The following CYB5D2 variants were observed in gnomAD, a reference collection of about 807,000 sequenced individuals.
CYB5D2 encodes the protein cytochrome b5 domain containing 2.
In CYB5D2, 23 loss-of-function variants were observed where a neutral mutation model predicts 22.8. The ratio of observed to expected loss-of-function variants is 1.01; its 90% CI spans 0.73 to 1.43. The LOEUF (loss-of-function observed/expected upper bound fraction) is 1.43. CYB5D2 is among the 40% of genes most tolerant of loss of function. The pLI is 0.00. For synonymous variants in CYB5D2, 170 were observed against 152.2 expected (o/e 1.12, Z -0.86); for missense variants, 373 against 357.2 (o/e 1.04, Z -0.36).
Position 4,147,194 on chromosome 17 carries a change from C to T in CYB5D2, c.251-2697C>T, listed in dbSNP as rs147817141. ...TTGGAGACAGAAGAATCCCTTGAAC[C>T]GAGGAGGCAGAGGTTGCAGTGAGCC... On this transcript the variant is annotated intron_variant, in intron 1 of 3. Coordinates refer to ENST00000301391, the MANE Select transcript of CYB5D2 (RefSeq NM_144611.4). 8.3e-4 allele frequency among the ~76,000 whole-genome samples: 127 copies of T among 152,192 alleles called. 1 individual carries two copies. The highest frequency in any genetic ancestry group is 2.9e-3 in the African/African-American group (119 of 41,530).
chr17:4,144,457 C>G (rs2058957270), intron 1 of CYB5D2, among the ~76,000 whole-genome samples: 1 of 152,032 alleles, frequency 6.6e-6, no homozygotes. Context: ...ATAGTGTTTT[C>G]AAGGTTCATC....
At chr17:4,156,047 G>A (rs942171552) in intron 3 of CYB5D2, among the ~76,000 whole-genome samples, 2 of 152,270 alleles carry the variant, frequency 1.3e-5, no homozygotes, top group Admixed American at 6.5e-5. Context: ...GGTAGAAGAG[G>A]GAGGCGTTTG....
At chr17:4,154,648 T>G in intron 2 of CYB5D2, 26 bp from the exon 3 acceptor site, 5 of 1,606,752 alleles carry the variant, frequency 3.1e-6, no homozygotes, top group Non-Finnish European at 4.3e-6. Flanking sequence ...TCACTCTCAC[T>G]CACATCTGCC....
At position 4,154,685 on chromosome 17, in the gene CYB5D2, G is replaced by T; in HGVS notation, c.403G>T (p.Gly135Ter). 2.5e-6 allele frequency: 4 copies of T among 1,613,992 alleles called. No individual in the cohort carries two copies. The highest frequency in any genetic ancestry group is 3.4e-6 in the Non-Finnish European group (4 of 1,179,892). The change falls in exon 3 of 4, where the codon GGA becomes TGA. Residue 135 changes from glycine (G) to a stop codon, truncating the protein, a stop_gained. Coordinates refer to ENST00000301391, the MANE Select transcript of CYB5D2 (RefSeq NM_144611.4). LOFTEE classifies it high-confidence loss of function. Reference sequence around the variant, plus strand: ...TCCTGTCATCACAGGGAGGGTGACAGGACGGTTCTACGGAGAGGATGGGCT... The same window carrying T: ...TCCTGTCATCACAGGGAGGGTGACATGACGGTTCTACGGAGAGGATGGGCT... Reference protein sequence around the residue: ...KNYVCVGRVTGRFYGEDGLPT... With the variant: ...KNYVCVGRVT
At chr17:4,155,549 G>A (rs914354350) in intron 3 of CYB5D2, among the ~76,000 whole-genome samples, 8 of 152,202 alleles carry the variant, frequency 5.3e-5, no homozygotes, top group East Asian at 1.9e-4. Flanking sequence ...TTTCCTGGCC[G>A]CTAGCTTTGA....
Position 4,157,283 on chromosome 17 carries a change from CA to C in CYB5D2, c.*202del, listed in dbSNP as rs1201531898. The C allele has an allele frequency of 1.6e-6, 1 of 616,448 alleles. No individual in the cohort carries two copies. The highest frequency in any genetic ancestry group is 1.8e-5 in the African/African-American group (1 of 54,114). The allele number at this position is 616,448 out of a possible 1,614,324, so 38.2% of individuals were successfully genotyped here. On this transcript the variant is annotated 3_prime_UTR_variant, in exon 4 of 4. Transcript: ENST00000301391. The surrounding 1 kb of genome is among the most constrained non-coding windows in gnomAD (Gnocchi z 4.4). ...CCTGAGGGACAGCCGGCCACCTGCC[CA>C]GTACTGGTCAGCTTTTCAACACTAT...
intron 3 of CYB5D2, among the ~76,000 whole-genome samples, chr17:4,156,643 G>A (rs2059114931): frequency 6.6e-6 from 1 of 152,238 alleles, no homozygotes; most frequent in Non-Finnish European, 1.5e-5. Context: ...CATGGACTGT[G>A]CCCTTGGCCT....
rs370012754 is a variant in CYB5D2 at position 4,149,920 on chromosome 17, G to A, written c.280G>A (p.Gly94Arg). 98 of 1,614,020 alleles carry A rather than the reference G, an allele frequency of 6.1e-5. No individual in the cohort carries two copies. The highest frequency in any genetic ancestry group is 6.9e-5 in the Non-Finnish European group (81 of 1,180,014). The stretch of plus-strand genomic sequence containing the variant: ...AGACGCATCCAGAGCTTTCGTGACC[G>A]GGGACTGTTCTGAAGCAGGCCTCGT... ...GRDASRAFVT[G>R]DCSEAGLVDD... is the part of the protein sequence containing the mutation. The change falls in exon 2 of 4, where the codon GGG becomes AGG. Residue 94 changes from glycine to arginine, a missense_variant. By Grantham distance (125) the Gly-to-Arg change is moderately radical. Transcript: ENST00000301391.
chr17:4,147,890 G>C (rs1308894201), intron 1 of CYB5D2, among the ~76,000 whole-genome samples: 1 of 152,190 alleles, frequency 6.6e-6, no homozygotes, highest in Non-Finnish European at 1.5e-5. Context: ...AGGCAGCGTT[G>C]GTGGCAGCTG....
intron 2 of CYB5D2, among the ~76,000 whole-genome samples, chr17:4,151,203 C>A (rs983128400): frequency 2.0e-5 from 3 of 152,112 alleles, no homozygotes; most frequent in African/African-American, 4.8e-5. Flanking sequence ...TGGGCCTCTG[C>A]AGCACGCCTT....
intron 2 of CYB5D2, chr17:4,150,839 T>C (rs2059049292): frequency 6.6e-6 from 1 of 152,408 alleles, no homozygotes; most frequent in African/African-American, 2.4e-5. Flanking sequence ...TGACCTGAGA[T>C]TGCGCTACTG....
intron 1 of CYB5D2, among the ~76,000 whole-genome samples, chr17:4,145,715 C>A (rs1046485199): frequency 6.6e-6 from 1 of 152,168 alleles, no homozygotes; most frequent in Non-Finnish European, 1.5e-5. Flanking sequence ...CAGTTATGTC[C>A]ACGTATTCGT....
At chr17:4,150,185 G>T (rs111697189) in intron 2 of CYB5D2, among the ~76,000 whole-genome samples, 154 bp downstream of exon 2, 1 of 152,174 alleles carries the variant, frequency 6.6e-6, no homozygotes, top group Non-Finnish European at 1.5e-5. Flanking sequence ...GGGATGAGCC[G>T]CCCAGAAGGA....
Position 4,143,704 on chromosome 17 carries a change from C to T in CYB5D2, c.-52C>T, listed in dbSNP as rs202012249. 7,686 of 1,560,894 alleles carry T rather than the reference C, an allele frequency of 4.9e-3. 31 individuals are homozygous for T. Among genetic ancestry groups the T allele is most frequent in the Middle Eastern group, 0.02 (93 of 4,658 alleles). ...ACGCTCGGCGTCTCGGCCATCTTAGCTGTAGATAGAGGCGGCAACCTCGGA... is the reference window on the plus strand; with the variant it reads ...ACGCTCGGCGTCTCGGCCATCTTAGTTGTAGATAGAGGCGGCAACCTCGGA... On this transcript the variant is annotated 5_prime_UTR_variant, in exon 1 of 4. Coordinates refer to ENST00000301391, the MANE Select transcript of CYB5D2 (RefSeq NM_144611.4).
In CYB5D2 at chr17:4,143,521, C is replaced by G; in HGVS notation, c.-235C>G. On this transcript the variant is annotated 5_prime_UTR_variant, in exon 1 of 4. Transcript: ENST00000301391. ...AGCCTGGACAACAAGAGCTAAAACT[C>G]TGTCTCAGAAAAAAAAAAAAAAAGT... 1 of 442,646 alleles carries G rather than the reference C, an allele frequency of 2.3e-6. No homozygotes were observed. The highest frequency in any genetic ancestry group is 6.2e-4 in the Middle Eastern group (1 of 1,624). 27.4% of individuals were successfully genotyped at this position (442,646 alleles called of 1,614,324 possible).
Position 4,150,137 on chromosome 17 carries a change from A to G in CYB5D2, c.391+106A>G, listed in dbSNP as rs891876903. On this transcript the variant is annotated intron_variant, in intron 2 of 3. Coordinates refer to ENST00000301391, the MANE Select transcript of CYB5D2 (RefSeq NM_144611.4). ...CAAGCTTAAAATCTGAAAAACAGCC[A>G]TGGATTTGTTTTACTTTAAATTCTG... 34 of 1,418,992 alleles carry G rather than the reference A, an allele frequency of 2.4e-5. No homozygotes were observed. In the East Asian group the frequency reaches 7.1e-4, roughly 30 times the overall value. The allele number at this position is 1,418,992 out of a possible 1,614,324, so 87.9% of individuals were successfully genotyped here. A position where few individuals can be genotyped will look rare whatever the true frequency, so the allele number is the denominator to read the frequency against.
rs775677982 is a variant in CYB5D2 at position 4,157,040 on chromosome 17, A to G, written c.753A>G (p.Thr251=). The change falls in exon 4 of 4, where the codon ACA becomes ACG. Residue 251 remains threonine, a synonymous_variant. Transcript: ENST00000301391. The surrounding 1 kb of genome is among the most constrained non-coding windows in gnomAD (Gnocchi z 4.4). ...DLDHPNLAEY[T]GCPPLAITCS... is the part of the protein sequence containing the mutation. Reference sequence around the variant, plus strand: ...ACCACCCAAACTTGGCAGAGTACACAGGCTGCCCACCGCTAGCCATCACAT... The same window carrying G: ...ACCACCCAAACTTGGCAGAGTACACGGGCTGCCCACCGCTAGCCATCACAT... 1.2e-6 allele frequency: 2 copies of G among 1,612,624 alleles called. No homozygotes were observed. Among genetic ancestry groups the G allele is most frequent in the Non-Finnish European group, 8.5e-7 (1 of 1,180,036 alleles).
intron 1 of CYB5D2, among the ~76,000 whole-genome samples, chr17:4,145,748 T>A (rs1036785455): frequency 6.6e-6 from 1 of 152,212 alleles, no homozygotes; most frequent in Non-Finnish European, 1.5e-5. Context: ...TTATTTCTCA[T>A]TGAGATGTAA....
Position 4,157,457 on chromosome 17 carries a change from T to C in CYB5D2, c.*375T>C. On this transcript the variant is annotated 3_prime_UTR_variant, in exon 4 of 4. Coordinates refer to ENST00000301391, the MANE Select transcript of CYB5D2 (RefSeq NM_144611.4). The surrounding 1 kb of genome is among the most constrained non-coding windows in gnomAD (Gnocchi z 4.4). ...AATACAGTACGAGGCAATAACAAAT[T>C]AGTGTGGGTTGATTCTGGAATTGGA... 4.1e-6 allele frequency: 1 copy of C among 246,124 alleles called. No homozygotes were observed. Among genetic ancestry groups the C allele is most frequent in the Non-Finnish European group, 7.9e-6 (1 of 126,932 alleles). The allele number at this position is 246,124 out of a possible 1,614,324, so 15.2% of individuals were successfully genotyped here.
Sources: gnomAD v4.1 joint callset for allele counts (sites outside exome capture counted in the v4.1 genomes callset) on GRCh38, gnomAD v4.1.1 for gene constraint, Gnocchi (gnomAD v3.1) non-coding constraint, MANE v1.5 for transcripts, NCBI Gene and HGNC (gene_info 2026-07-23, HGNC 2026-07-21) for gene names.